EBF2: variants seen among roughly 807,000 people sequenced by gnomAD.
EBF2 encodes EBF transcription factor 2, also known as transcription factor COE2.
Under a neutral mutation model 72.8 loss-of-function variants are expected in EBF2, and 21 were observed. The observed-to-expected ratio is 0.29, with a 90% CI of 0.20 to 0.42. EBF2 has a LOEUF of 0.42. Among genes scored for constraint, EBF2 ranks in the 10% least tolerant of loss-of-function variants. The pLI is 1.00. For synonymous variants in EBF2, 299 were observed against 274.2 expected, an observed-to-expected ratio of 1.09 and a Z score of -0.89; for missense variants, 637 against 731.2, an observed-to-expected ratio of 0.87 and a Z score of 1.49.
At chr8:25,936,306 A>G (rs1008754365) in intron 6 of EBF2, among the ~76,000 whole-genome samples, 1 of 152,204 alleles carries the variant, frequency 6.6e-6, no homozygotes, top group Non-Finnish European at 1.5e-5. Flanking sequence ...CATTATAAGA[A>G]AAGTCCTTAG....
chr8:25,952,853 T>G (rs1239162491), intron 6 of EBF2, among the ~76,000 whole-genome samples: 1 of 151,478 alleles, frequency 6.6e-6, no homozygotes, highest in Admixed American at 6.6e-5. Flanking sequence ...GGCTTTGGGG[T>G]TTTTTTTTCC....
At chr8:25,844,965 TA>T (rs1258160489) in intron 15 of EBF2, among the ~76,000 whole-genome samples, 8 of 152,246 alleles carry the variant, frequency 5.3e-5, no homozygotes, top group South Asian at 2.1e-4. Context: ...AATATATGCA[TA>T]TTTTTTTATT....
At chr8:25,932,002 G>T in intron 6 of EBF2, among the ~76,000 whole-genome samples, 1 of 152,138 alleles carries the variant, frequency 6.6e-6, no homozygotes, top group Non-Finnish European at 1.5e-5. Context: ...CTTTGATCTT[G>T]CTAGCAAGGC....
intron 6 of EBF2, among the ~76,000 whole-genome samples, chr8:26,003,886 C>T (rs950942979): frequency 6.6e-6 from 1 of 152,146 alleles, no homozygotes. Context: ...TAGGGATTAA[C>T]CAAAGTGCTC....
chr8:25,973,114 T>C (rs1804216482), intron 6 of EBF2, among the ~76,000 whole-genome samples: 1 of 152,106 alleles, frequency 6.6e-6, no homozygotes, highest in South Asian at 2.1e-4. Flanking sequence ...TTCCAGGGTA[T>C]GGAACACAAT....
intron 6 of EBF2, among the ~76,000 whole-genome samples, chr8:26,024,546 A>G (rs1242921414): frequency 1.3e-5 from 2 of 152,162 alleles, no homozygotes; most frequent in Non-Finnish European, 2.9e-5. Flanking sequence ...CCTGTTCTGT[A>G]CCTATCTGCC....
chr8:25,899,243 T>G (rs1274504524), intron 7 of EBF2, among the ~76,000 whole-genome samples: 1 of 152,044 alleles, frequency 6.6e-6, no homozygotes, highest in Non-Finnish European at 1.5e-5. Flanking sequence ...CCACAGTTTT[T>G]TTTTTTTTTT....
chr8:26,017,863 C>T (rs1018393622), intron 6 of EBF2, among the ~76,000 whole-genome samples: 4 of 152,182 alleles, frequency 2.6e-5, no homozygotes, highest in African/African-American at 9.6e-5. Flanking sequence ...TCGACAAAAA[C>T]GCCCTCAATG....
At chr8:26,029,940 C>T (rs529943835) in intron 6 of EBF2, among the ~76,000 whole-genome samples, 2 of 152,116 alleles carry the variant, frequency 1.3e-5, no homozygotes, top group South Asian at 2.1e-4. Flanking sequence ...TGAGACAGGT[C>T]TCCCTCTGTC....
At chr8:25,913,939 G>C (rs1249785151) in intron 6 of EBF2, among the ~76,000 whole-genome samples, 1 of 152,140 alleles carries the variant, frequency 6.6e-6, no homozygotes, top group Admixed American at 6.5e-5. Context: ...AAAGGAGATG[G>C]CCCATTTCCC....
chr8:25,931,247 C>T (rs1175184249), intron 6 of EBF2, among the ~76,000 whole-genome samples: 1 of 152,160 alleles, frequency 6.6e-6, no homozygotes, highest in Non-Finnish European at 1.5e-5. Context: ...ATCTGACCCA[C>T]CCCTTTTCTT....
At chr8:26,008,956 A>T (rs1804931148) in intron 6 of EBF2, among the ~76,000 whole-genome samples, 1 of 151,972 alleles carries the variant, frequency 6.6e-6, no homozygotes, top group Non-Finnish European at 1.5e-5. Flanking sequence ...GATATTTTAT[A>T]CAGCATGCTC....
chr8:25,976,237 A>T (rs901174), intron 6 of EBF2, among the ~76,000 whole-genome samples: 101,884 of 152,052 alleles, frequency 0.67, 34,468 homozygotes, highest in Middle Eastern at 0.8. Flanking sequence ...TTATTGAATC[A>T]AGGTCTTGAA....
At chr8:25,900,487 T>C (rs1377479934) in intron 7 of EBF2, among the ~76,000 whole-genome samples, 1 of 152,126 alleles carries the variant, frequency 6.6e-6, no homozygotes, top group Non-Finnish European at 1.5e-5. Context: ...GAAATATATC[T>C]GTCTTTCCAT....
chr8:25,876,309 G>A (rs1802519491), intron 10 of EBF2, among the ~76,000 whole-genome samples: 1 of 152,138 alleles, frequency 6.6e-6, no homozygotes, highest in South Asian at 2.1e-4. Flanking sequence ...AATGCATGCA[G>A]GGCTTAATAG....
chr8:25,974,744 C>CT (rs1012016514), intron 6 of EBF2, among the ~76,000 whole-genome samples: 3 of 152,152 alleles, frequency 2.0e-5, no homozygotes, highest in African/African-American at 7.2e-5. Flanking sequence ...CAAACTCCCC[C>CT]TGCCCCCCCA....
chr8:25,887,748 A>T, intron 9 of EBF2, 94 bp downstream of exon 9: 2 of 1,366,882 alleles, frequency 1.5e-6, no homozygotes, highest in East Asian at 2.5e-5. Context: ...TATGACTTTT[A>T]TGCTTTTTTA....
intron 6 of EBF2, among the ~76,000 whole-genome samples, chr8:25,981,029 G>T (rs1422938404): frequency 6.6e-6 from 1 of 152,096 alleles, no homozygotes; most frequent in Non-Finnish European, 1.5e-5. Context: ...TCCAGGAATG[G>T]CTTTGCTTCT....
chr8:25,871,533 T>G (rs933650987), intron 10 of EBF2, among the ~76,000 whole-genome samples: 3 of 152,220 alleles, frequency 2.0e-5, no homozygotes, highest in African/African-American at 4.8e-5. Flanking sequence ...TATTTACCTT[T>G]TATTAAATAA....
Sources: allele counts gnomAD v4.1 joint callset (sites outside exome capture counted in the v4.1 genomes callset), GRCh38; gene constraint gnomAD v4.1.1; transcripts MANE v1.5; gene names NCBI Gene and HGNC (gene_info 2026-07-23, HGNC 2026-07-21).